Variants in RAB19 observed in about 807,000 individuals in gnomAD.
The protein encoded by RAB19 is RAB19, member RAS oncogene family, also known as ras-related protein Rab-19.
Under a neutral mutation model 17.3 loss-of-function variants are expected in RAB19, and 21 were observed. The ratio of observed to expected loss-of-function variants is 1.21; its 90% CI spans 0.86 to 1.74. The LOEUF (loss-of-function observed/expected upper bound fraction) is 1.74, where lower values mean the gene tolerates loss of function less well. Among genes scored for constraint, RAB19 ranks in the 40% most tolerant of loss-of-function variants. The pLI, the probability that RAB19 is intolerant of heterozygous loss-of-function variation, is 0.00. For synonymous variants in RAB19, 126 were observed against 110.4 expected, an observed-to-expected ratio of 1.14 and a Z score of -0.88; for missense variants, 277 against 286.8, an observed-to-expected ratio of 0.97 and a Z score of 0.25.
Position 140,423,999 on chromosome 7 carries a change from G to C in RAB19, c.386-1883G>C, listed in dbSNP as rs375221373. Among the ~76,000 whole-genome samples, 3 of 149,616 alleles carry C rather than the reference G, an allele frequency of 2.0e-5. No homozygotes were observed. In the South Asian group the frequency reaches 6.4e-4, roughly 32 times the overall value. On this transcript the variant is annotated intron_variant, in intron 3 of 3. Transcript: ENST00000537763. ...CTCCTGAGTAGCTGGGATTACAGGC[G>C]CGTGCCACCATACCCAGCTAATTTT...
chr7:140,413,561 T>C (rs903907610), intron 3 of RAB19, among the ~76,000 whole-genome samples: 2 of 151,972 alleles, frequency 1.3e-5, no homozygotes, highest in African/African-American at 4.8e-5. Context: ...AATAGTGAGA[T>C]GTGGTGGCAC....
In RAB19 at chr7:140,427,804, G is replaced by A. The variant is rs532016137; in HGVS notation, c.*1654G>A. ...GAAGTCTTGCTACGTTGCCCAGGCT[G>A]GTCTCCAATTCCTGAGCTCACAGGT... On this transcript the variant is annotated 3_prime_UTR_variant, in exon 4 of 4. Coordinates refer to ENST00000537763, the MANE Select transcript of RAB19 (RefSeq NM_001008749.3). Among the ~76,000 whole-genome samples, 76 of 150,274 alleles carry A rather than the reference G, an allele frequency of 5.1e-4. No homozygotes were observed. Among genetic ancestry groups the A allele is most frequent in the Middle Eastern group, 3.8e-3 (1 of 266 alleles).
chr7:140,425,954 G>C lies in RAB19; in HGVS notation c.458G>C (p.Gly153Ala). The change falls in exon 4 of 4, where the codon GGC (glycine) becomes GCC (alanine). Residue 153 changes from glycine (G) to alanine (A), a missense_variant. By Grantham distance (60) the Gly-to-Ala change is moderately conservative. Transcript: ENST00000537763. ...GCCTGCACACTGGCTGAGAAGTACG[G>C]CCTCCTGGCCGTTTTGGAGACATCT... ...EDACTLAEKY[G>A]LLAVLETSAK... The C allele has an allele frequency of 1.9e-6, 3 of 1,614,140 alleles. No homozygotes were observed. Among genetic ancestry groups the C allele is most frequent in the Non-Finnish European group, 2.5e-6 (3 of 1,180,038 alleles).
intron 1 of RAB19, among the ~76,000 whole-genome samples, chr7:140,405,143 T>C (rs1220895219): frequency 6.6e-6 from 1 of 151,624 alleles, no homozygotes; most frequent in African/African-American, 2.4e-5. Context: ...CAGAATCACC[T>C]GGGGAAGAGA....
At chr7:140,405,301 ACCTCTGCCCTCTGGGTTCAAG>A (rs1799216536) in intron 1 of RAB19, among the ~76,000 whole-genome samples, 1 of 151,954 alleles carries the variant, frequency 6.6e-6, no homozygotes, top group Non-Finnish European at 1.5e-5. Flanking sequence ...GCTCACTGCA[ACCTCTGCCCTCTGGGTTCAAG>A]CCATTCTCCT....
intron 3 of RAB19, among the ~76,000 whole-genome samples, chr7:140,414,240 C>T (rs1799416131): frequency 1.3e-5 from 2 of 152,020 alleles, no homozygotes; most frequent in Non-Finnish European, 2.9e-5. Flanking sequence ...CAGGATTTCA[C>T]CATGTTGGCC....
At chr7:140,409,218 TCCAGGCATGGTGGCGCGTG>T (rs775020886) in intron 2 of RAB19, among the ~76,000 whole-genome samples, 2 of 151,500 alleles carry the variant, frequency 1.3e-5, no homozygotes, top group Non-Finnish European at 2.9e-5. Flanking sequence ...ACAAAAATTA[TCCAGGCATGGTGGCGCGTG>T]CCTGTAGTCC....
intron 1 of RAB19, among the ~76,000 whole-genome samples, chr7:140,405,638 A>G (rs894315674): frequency 3.3e-5 from 5 of 152,168 alleles, no homozygotes; most frequent in African/African-American, 9.6e-5. Context: ...TCGGCCTGCC[A>G]AAGTGCTAGG....
intron 3 of RAB19, among the ~76,000 whole-genome samples, chr7:140,417,992 C>T (rs1799490375): frequency 6.6e-6 from 1 of 152,128 alleles, no homozygotes; most frequent in South Asian, 2.1e-4. Context: ...CTGCCTGAGG[C>T]CAGAGCCTGG....
At position 140,407,717 on chromosome 7, in the gene RAB19, G is replaced by A; in HGVS notation, c.71G>A (p.Gly24Glu). 1 of 1,614,074 alleles carries A rather than the reference G, an allele frequency of 6.2e-7. No homozygotes were observed. Among genetic ancestry groups the A allele is most frequent in the Non-Finnish European group, 8.5e-7 (1 of 1,180,010 alleles). ...TATTTGTTCAAGATTATCCTCATTG[G>A]GGATTCCAATGTGGGGAAGACGTGT... ...FDYLFKIILI[G>E]DSNVGKTCVV... The change falls in exon 2 of 4, where the codon GGG (glycine) becomes GAG (glutamate). Residue 24 changes from glycine (G) to glutamate (E), a missense_variant. Physicochemically the swap from Gly to Glu is moderately conservative, Grantham distance 98 (BLOSUM62 -2). Transcript: ENST00000537763.
At chr7:140,420,538 G>A (rs1450345697) in intron 3 of RAB19, among the ~76,000 whole-genome samples, 1 of 152,066 alleles carries the variant, frequency 6.6e-6, no homozygotes, top group African/African-American at 2.4e-5. Context: ...TTAGTAGGTA[G>A]GAAGAGTCTT....
intron 3 of RAB19, 141 bp downstream of exon 3, chr7:140,412,198 T>C (rs1799378572): frequency 1.1e-6 from 1 of 887,548 alleles, no homozygotes. Flanking sequence ...ACACCTGTAA[T>C]CCCAGCACTT....
chr7:140,422,652 C>T (rs1371060486), intron 3 of RAB19, among the ~76,000 whole-genome samples: 1 of 149,018 alleles, frequency 6.7e-6, no homozygotes, highest in Non-Finnish European at 1.5e-5. Flanking sequence ...GACCCCATCA[C>T]CAAATAAAAA....
chr7:140,407,884 T>A (rs1389899668), intron 2 of RAB19, 37 bp downstream of exon 2: 5 of 369,644 alleles, frequency 1.4e-5, no homozygotes, highest in African/African-American at 3.4e-5. Flanking sequence ...TTCCACCTTT[T>A]TTTTTTTTTT....
In RAB19 at chr7:140,410,313, C is replaced by CTTTTTTTTTT. The variant is rs762151021; in HGVS notation, c.202-1546_202-1537dup. On this transcript the variant is annotated intron_variant, in intron 2 of 3. Transcript: ENST00000537763. ...ATGCCCAGCTAATTTTTGTATTTTT[C>CTTTTTTTTTT]TTTTTTTTTTTTTTTTTTTTTTTTG... 5.1e-4 allele frequency among the ~76,000 whole-genome samples: 41 copies of CTTTTTTTTTT among 81,038 alleles called. 3 individuals carry two copies. The highest frequency in any genetic ancestry group is 6.0e-4 in the Admixed American group (3 of 5,000). The allele number at this position is 81,038 out of a possible 152,430, so 53.2% of individuals were successfully genotyped here.
intron 2 of RAB19, chr7:140,410,959 TC>T (rs1799348337): frequency 7.3e-7 from 1 of 1,367,738 alleles, no homozygotes; most frequent in Admixed American, 1.9e-5. Flanking sequence ...GCTTGAGTGT[TC>T]CTTTAAAATC....
chr7:140,418,244 C>T (rs1012836337), intron 3 of RAB19, among the ~76,000 whole-genome samples: 4 of 151,788 alleles, frequency 2.6e-5, no homozygotes, highest in Non-Finnish European at 5.9e-5. Context: ...TGAGCAAACA[C>T]CAGCTGGGTC....
Position 140,427,902 on chromosome 7 carries a change from A to G in RAB19, c.*1752A>G, listed in dbSNP as rs1799697019. Among the ~76,000 whole-genome samples the G allele has an allele frequency of 6.6e-6, 1 of 151,654 alleles. No individual in the cohort carries two copies. Among genetic ancestry groups the G allele is most frequent in the South Asian group, 2.1e-4 (1 of 4,826 alleles). On this transcript the variant is annotated 3_prime_UTR_variant, in exon 4 of 4. Coordinates refer to ENST00000537763, the MANE Select transcript of RAB19 (RefSeq NM_001008749.3). Reference sequence around the variant, plus strand: ...ACCATGCCTGGCACAATTTCTTTCTAGAACCCAAATCATCTGCCAGATCAG... The same window carrying G: ...ACCATGCCTGGCACAATTTCTTTCTGGAACCCAAATCATCTGCCAGATCAG...
rs1799599285 is a variant in RAB19, at chr7:140,423,539, TACA to T, written c.386-2337_386-2335del. Reference sequence around the variant, plus strand: ...ATACAGAAAACAAACTACTGATTTATACAACAACTTGAATGGATCTCAGAGGAA... The same window carrying T: ...ATACAGAAAACAAACTACTGATTTATACAACTTGAATGGATCTCAGAGGAA... On this transcript the variant is annotated intron_variant, in intron 3 of 3. Transcript: ENST00000537763. 2.6e-5 allele frequency among the ~76,000 whole-genome samples: 4 copies of T among 152,226 alleles called. No homozygotes were observed. The South Asian group carries it at 8.3e-4, about 32-fold the overall frequency.
Sources: gnomAD v4.1 joint callset for allele counts (sites outside exome capture counted in the v4.1 genomes callset) on GRCh38, gnomAD v4.1.1 for gene constraint, MANE v1.5 for transcripts, NCBI Gene and HGNC (gene_info 2026-07-23, HGNC 2026-07-21) for gene names.